The following CREB5 variants were observed in gnomAD, a reference collection of about 807,000 sequenced individuals.
CREB5 encodes the protein cAMP responsive element binding protein 5, also known as cyclic AMP-responsive element-binding protein 5.
A neutral mutation model predicts 57.1 loss-of-function variants in CREB5; 19 were observed. The observed-to-expected ratio is 0.33, with a 90% confidence interval of 0.23 to 0.49. The LOEUF is 0.49. Among genes scored for constraint, CREB5 ranks in the 20% least tolerant of loss-of-function variants. The pLI is 0.99. For synonymous variants in CREB5, 238 were observed against 238.3 expected, an observed-to-expected ratio of 1.00 and a Z score of 0.01; for missense variants, 579 against 671.6, an observed-to-expected ratio of 0.86 and a Z score of 1.52.
At chr7:28,601,036 G>C (rs1351027168) in intron 5 of CREB5, among the ~76,000 whole-genome samples, 1 of 152,094 alleles carries the variant, frequency 6.6e-6, no homozygotes, top group African/African-American at 2.4e-5. Flanking sequence ...ATTAAAAAAT[G>C]AGAGAGCAAA....
upstream of CREB5, chr7:28,410,880 A>C (rs1787760002): frequency 7.4e-6 from 2 of 269,840 alleles, no homozygotes; most frequent in East Asian, 8.9e-5. Flanking sequence ...CACTCGTGCA[A>C]TCGCCGGCTC....
chr7:28,589,134 A>G (rs1796402310), intron 5 of CREB5, among the ~76,000 whole-genome samples: 1 of 152,228 alleles, frequency 6.6e-6, no homozygotes, highest in East Asian at 1.9e-4. Flanking sequence ...GCTCTTTGCT[A>G]TACTTGCTTT....
chr7:28,750,598 T>A (rs537957519), intron 7 of CREB5, among the ~76,000 whole-genome samples: 3 of 105,978 alleles, frequency 2.8e-5, no homozygotes, highest in Admixed American at 2.7e-4. Flanking sequence ...ATACGAAATA[T>A]ATCACTTTTT....
chr7:28,565,130 A>G (rs1425847030), intron 4 of CREB5, among the ~76,000 whole-genome samples: 1 of 152,208 alleles, frequency 6.6e-6, no homozygotes, highest in African/African-American at 2.4e-5. Flanking sequence ...ATTACACATT[A>G]CTAATCATTT....
intron 5 of CREB5, among the ~76,000 whole-genome samples, chr7:28,607,521 T>G (rs1797185722): frequency 2.0e-5 from 3 of 152,190 alleles, no homozygotes; most frequent in Admixed American, 6.5e-5. Flanking sequence ...GAGAAAGGTG[T>G]GTGTTTCACC....
At chr7:28,322,287 G>A (rs973038555) in intron 1 of CREB5, among the ~76,000 whole-genome samples, 1 of 151,932 alleles carries the variant, frequency 6.6e-6, no homozygotes, top group Non-Finnish European at 1.5e-5. Flanking sequence ...TTGTTTTTCT[G>A]TTTATTTACC....
At chr7:28,572,886 T>C (rs897935535) in intron 5 of CREB5, among the ~76,000 whole-genome samples, 2 of 152,204 alleles carry the variant, frequency 1.3e-5, no homozygotes, top group African/African-American at 4.8e-5. Context: ...GCCTGGGGTG[T>C]TGTGTGTCGC....
chr7:28,319,334 A>G (rs1448859207), intron 1 of CREB5, among the ~76,000 whole-genome samples: 3 of 152,104 alleles, frequency 2.0e-5, no homozygotes, highest in Admixed American at 1.3e-4. Context: ...CACTTGTGCC[A>G]CTCATTTACA....
At chr7:28,464,496 C>CGTGT (rs71555745) in intron 1 of CREB5, among the ~76,000 whole-genome samples, 25,425 of 139,382 alleles carry the variant, frequency 0.18, 2,504 homozygotes, top group Middle Eastern at 0.22. Context: ...TGGAAAGTTG[C>CGTGT]GTGTGTGTGT....
chr7:28,409,990 C>T (rs941214879), upstream of CREB5: 9 of 454,008 alleles, frequency 2.0e-5, no homozygotes, highest in African/African-American at 1.6e-4. The surrounding 1 kb of genome is among the most constrained non-coding windows in gnomAD (Gnocchi z 4.4). Flanking sequence ...AGCTTCCCAG[C>T]GTGGCGGCGG....
intron 1 of CREB5, among the ~76,000 whole-genome samples, chr7:28,311,884 C>T (rs1447828976): frequency 6.6e-6 from 1 of 152,214 alleles, no homozygotes; most frequent in South Asian, 2.1e-4. Context: ...CCTCCCTCCC[C>T]AGTGTCGGTC....
chr7:28,316,178 C>T (rs1785375424), intron 1 of CREB5, among the ~76,000 whole-genome samples: 1 of 152,100 alleles, frequency 6.6e-6, no homozygotes, highest in South Asian at 2.1e-4. Context: ...GTGAACTTGG[C>T]CTTCAAGTGC....
intron 4 of CREB5, among the ~76,000 whole-genome samples, chr7:28,567,667 G>A (rs1795536002): frequency 2.6e-5 from 4 of 152,198 alleles, no homozygotes; most frequent in Admixed American, 2.6e-4. Flanking sequence ...TTGCCTACAT[G>A]ATGATTGATT....
chr7:28,386,539 G>A (rs1787109039), intron 1 of CREB5, among the ~76,000 whole-genome samples: 1 of 152,132 alleles, frequency 6.6e-6, no homozygotes, highest in Non-Finnish European at 1.5e-5. Flanking sequence ...CAGGACTTGT[G>A]CTTTCTGAAC....
intron 5 of CREB5, among the ~76,000 whole-genome samples, chr7:28,695,015 G>C (rs35384827): frequency 6.6e-6 from 1 of 152,062 alleles, no homozygotes; most frequent in African/African-American, 2.4e-5. Context: ...GCTTGAGCCC[G>C]AGAGTTTGAG....
chr7:28,558,334 A>G (rs1268152960), intron 4 of CREB5, among the ~76,000 whole-genome samples: 3 of 152,264 alleles, frequency 2.0e-5, no homozygotes, highest in Non-Finnish European at 4.4e-5. Flanking sequence ...TGCTGAATTA[A>G]CACTGATCAT....
intron 7 of CREB5, among the ~76,000 whole-genome samples, chr7:28,798,406 C>T (rs992154186): frequency 2.0e-5 from 3 of 150,676 alleles, no homozygotes; most frequent in African/African-American, 4.9e-5. Flanking sequence ...TGCACACTCA[C>T]GCAGGCACAC....
At chr7:28,665,943 A>C (rs1799806445) in intron 5 of CREB5, among the ~76,000 whole-genome samples, 1 of 152,158 alleles carries the variant, frequency 6.6e-6, no homozygotes, top group Non-Finnish European at 1.5e-5. Context: ...AAAATATCCC[A>C]TGTAAAAGTC....
intron 1 of CREB5, among the ~76,000 whole-genome samples, chr7:28,444,307 G>A (rs771309375): frequency 3.9e-5 from 6 of 152,066 alleles, no homozygotes; most frequent in African/African-American, 7.2e-5. Context: ...AAGATTGGAC[G>A]CATCTTTTCC....
Sources: gnomAD v4.1 joint callset for allele counts (sites outside exome capture counted in the v4.1 genomes callset) on GRCh38, gnomAD v4.1.1 for gene constraint, Gnocchi (gnomAD v3.1) non-coding constraint, MANE v1.5 for transcripts, NCBI Gene and HGNC (gene_info 2026-07-23, HGNC 2026-07-21) for gene names.